The following PRKCQ variants were observed in gnomAD, a reference collection of about 807,000 sequenced individuals.
The protein encoded by PRKCQ is protein kinase C theta type.
A neutral mutation model predicts 91.2 loss-of-function variants in PRKCQ; 41 were observed. The observed-to-expected ratio is 0.45, with a 90% confidence interval of 0.35 to 0.58. The LOEUF is 0.58. PRKCQ is among the 20% of genes least tolerant of loss of function. The probability of loss-of-function intolerance (pLI) is 0.00; values close to 1 mark genes in which losing one functional copy is unlikely to be tolerated. For missense variants in PRKCQ, 673 were observed against 896.5 expected (o/e 0.75, Z 3.18); for synonymous variants, 307 against 316.9 (o/e 0.97, Z 0.33).
chr10:6,438,955 G>C (rs779889225), intron 16 of PRKCQ, among the ~76,000 whole-genome samples: 19 of 152,150 alleles, frequency 1.2e-4, no homozygotes, highest in Non-Finnish European at 1.5e-4. Flanking sequence ...ATATTTGCTG[G>C]GACAGCTCAG....
the PRKCQ span, among the ~76,000 whole-genome samples, chr10:6,399,731 C>T: frequency 6.6e-6 from 1 of 152,106 alleles, no homozygotes; most frequent in African/African-American, 2.4e-5. Flanking sequence ...CCCCTAGAGT[C>T]GTTTGTTTAG....
chr10:6,479,792 A>AGT (rs1041038753), intron 11 of PRKCQ, among the ~76,000 whole-genome samples: 1 of 149,548 alleles, frequency 6.7e-6, no homozygotes, highest in Admixed American at 6.7e-5. Flanking sequence ...AAAAAAAAAA[A>AGT]AAATCCAAAA....
intron 16 of PRKCQ, among the ~76,000 whole-genome samples, chr10:6,436,509 T>G (rs1438582637): frequency 6.6e-6 from 1 of 152,168 alleles, no homozygotes; most frequent in Non-Finnish European, 1.5e-5. Context: ...CCAAGCAAGA[T>G]ACAAACTGTT....
intron 1 of PRKCQ, among the ~76,000 whole-genome samples, chr10:6,542,883 C>A (rs773199276): frequency 3.3e-5 from 5 of 152,194 alleles, no homozygotes; most frequent in Non-Finnish European, 5.9e-5. Flanking sequence ...AGGTCACATT[C>A]TTTTCATTGT....
At chr10:6,551,896 A>C (rs1840199737) in intron 1 of PRKCQ, among the ~76,000 whole-genome samples, 2 of 152,212 alleles carry the variant, frequency 1.3e-5, no homozygotes, top group African/African-American at 2.4e-5. Flanking sequence ...GAATCACCAT[A>C]CTGCTTTCCA....
At chr10:6,406,316 C>CTT in the PRKCQ span, among the ~76,000 whole-genome samples, 3 of 143,292 alleles carry the variant, frequency 2.1e-5, no homozygotes, top group Non-Finnish European at 3.1e-5. Context: ...AATCAAACTA[C>CTT]TTTTTTTTTT....
At chr10:6,555,284 T>C (rs1217466750) in intron 1 of PRKCQ, among the ~76,000 whole-genome samples, 1 of 152,122 alleles carries the variant, frequency 6.6e-6, no homozygotes, top group East Asian at 1.9e-4. Flanking sequence ...TCTAATGCTA[T>C]AGTGACACAT....
At chr10:6,549,015 T>C (rs1840081917) in intron 1 of PRKCQ, among the ~76,000 whole-genome samples, 1 of 152,222 alleles carries the variant, frequency 6.6e-6, no homozygotes, top group South Asian at 2.1e-4. Context: ...GTGACAGCCA[T>C]ATGCCAAAGC....
chr10:6,500,532 C>T (rs1410938512), intron 4 of PRKCQ, among the ~76,000 whole-genome samples: 1 of 151,294 alleles, frequency 6.6e-6, no homozygotes, highest in African/African-American at 2.4e-5. Context: ...TTTAAAATAT[C>T]AGGAATTTCT....
chr10:6,498,250 C>T, intron 5 of PRKCQ, 146 bp downstream of exon 5: 1 of 1,049,724 alleles, frequency 9.5e-7, no homozygotes, highest in Non-Finnish European at 1.4e-6. Context: ...TTTGAACCTT[C>T]TCAGTTCAGG....
intron 14 of PRKCQ, among the ~76,000 whole-genome samples, chr10:6,460,613 TC>T (rs1835268860): frequency 6.6e-6 from 1 of 152,216 alleles, no homozygotes; most frequent in African/African-American, 2.4e-5. Flanking sequence ...TGCCTCAGCT[TC>T]TAAAGTAGCT....
intron 14 of PRKCQ, 103 bp from the exon 15 acceptor site, chr10:6,456,915 G>C: frequency 8.0e-7 from 1 of 1,251,110 alleles, no homozygotes; most frequent in Non-Finnish European, 1.1e-6. Flanking sequence ...AGCCTGAGAG[G>C]GGCTCACGAG....
intron 15 of PRKCQ, among the ~76,000 whole-genome samples, chr10:6,444,876 C>A (rs1834173340): frequency 6.6e-6 from 1 of 152,086 alleles, no homozygotes; most frequent in Admixed American, 6.5e-5. Context: ...ATTCTCCCAG[C>A]CCTTTGGGAG....
At chr10:6,419,473 T>C in the PRKCQ span, among the ~76,000 whole-genome samples, 1 of 152,008 alleles carries the variant, frequency 6.6e-6, no homozygotes, top group Admixed American at 6.6e-5. Context: ...CCCTCCATGC[T>C]CCCCCATTCT....
At chr10:6,461,383 A>G (rs1835341851) in intron 14 of PRKCQ, among the ~76,000 whole-genome samples, 1 of 152,274 alleles carries the variant, frequency 6.6e-6, no homozygotes, top group Admixed American at 6.5e-5. Context: ...GAAAAATTTA[A>G]AAAAATTCTG....
chr10:6,571,463 T>G (rs1050031945), intron 1 of PRKCQ, among the ~76,000 whole-genome samples: 1 of 152,226 alleles, frequency 6.6e-6, no homozygotes, highest in Non-Finnish European at 1.5e-5. Flanking sequence ...GTTTATAACC[T>G]TCCTAACAAA....
intron 7 of PRKCQ, among the ~76,000 whole-genome samples, chr10:6,493,234 C>T (rs917956775): frequency 1.4e-4 from 21 of 152,120 alleles, no homozygotes; most frequent in African/African-American, 4.8e-4. Flanking sequence ...ATGTGCTGGA[C>T]GTGTAAAATA....
Position 6,497,292 on chromosome 10 carries a change from C to T in PRKCQ, c.543-41G>A, listed in dbSNP as rs545949074. On this transcript the variant is annotated intron_variant, in intron 5 of 17. Coordinates refer to ENST00000263125, the MANE Select transcript of PRKCQ (RefSeq NM_006257.5). The surrounding 1 kb of genome is among the most constrained non-coding windows in gnomAD (Gnocchi z 4.5). ...CGCTGATTTATTTCAATGTTGGCAT[C>T]AACATCAGCACCAACAGCATTTAAG... is the stretch of plus-strand genomic sequence containing the variant. 6 of 1,612,308 alleles carry T rather than the reference C, an allele frequency of 3.7e-6. No homozygotes were observed. In the South Asian group the frequency reaches 6.6e-5, roughly 18 times the overall value.
intron 12 of PRKCQ, among the ~76,000 whole-genome samples, chr10:6,469,231 T>C (rs1835839082): frequency 6.6e-6 from 1 of 152,236 alleles, no homozygotes; most frequent in Non-Finnish European, 1.5e-5. Context: ...CATTCCTATA[T>C]GTTCTGTCTC....
Sources: allele counts gnomAD v4.1 joint callset (sites outside exome capture counted in the v4.1 genomes callset), GRCh38; gene constraint gnomAD v4.1.1; non-coding constraint Gnocchi (gnomAD v3.1); transcripts MANE v1.5; gene names NCBI Gene and HGNC (gene_info 2026-07-23, HGNC 2026-07-21).